Variants in TRPM1 observed in about 807,000 individuals in gnomAD.
The protein encoded by TRPM1 is transient receptor potential cation channel subfamily M member 1, also known as TRPM1-203 APA Isoform, Intron 10.
In TRPM1, 113 loss-of-function variants were observed where a neutral mutation model predicts 149.4. The observed-to-expected ratio is 0.76, with a 90% CI of 0.65 to 0.88. The LOEUF (loss-of-function observed/expected upper bound fraction) is 0.88, where lower values mean the gene tolerates loss of function less well. Among genes scored for constraint, TRPM1 ranks in the 40% least tolerant of loss-of-function variants. The pLI is 0.00. For synonymous variants in TRPM1, 741 were observed against 759.5 expected (o/e 0.98, Z 0.40); for missense variants, 1,976 against 2,038.7 (o/e 0.97, Z 0.59).
At chr15:31,134,415 C>A (rs145231811) in intron 1 of TRPM1, among the ~76,000 whole-genome samples, 2 of 152,134 alleles carry the variant, frequency 1.3e-5, no homozygotes, top group African/African-American at 4.8e-5. Flanking sequence ...TTGAAAAACA[C>A]CATAGAAGTT....
chr15:31,043,545 G>GA (rs200771304), intron 16 of TRPM1, among the ~76,000 whole-genome samples: 1,899 of 152,160 alleles, frequency 0.012, 25 homozygotes, highest in Non-Finnish European at 0.017. Flanking sequence ...CATTTTAATG[G>GA]AAAATATAGT....
At chr15:31,045,450 T>G (rs1596013456) in intron 16 of TRPM1, among the ~76,000 whole-genome samples, 1 of 152,350 alleles carries the variant, frequency 6.6e-6, no homozygotes, top group East Asian at 1.9e-4. Context: ...TGATAATAAT[T>G]TCTCCCTTTC....
chr15:31,089,637 C>T (rs1467846039), intron 1 of TRPM1, among the ~76,000 whole-genome samples: 1 of 152,182 alleles, frequency 6.6e-6, no homozygotes. Context: ...ATTGATGAGA[C>T]GGGTCCAGGC....
rs1355758335 is a variant in TRPM1, at chr15:31,027,114, A to T, written c.3297T>A (p.Asn1099Lys). The change falls in exon 26 of 28, where the codon AAT becomes AAA. Residue 1099 changes from asparagine to lysine, a missense_variant. Transcript: ENST00000256552. ...LVNLLIAVFN[N>K]TFFEVKSISN... is the part of the protein sequence containing the mutation. Reference sequence around the variant, plus strand: ...ATATTGATTTTACTTCAAAGAAGGTATTGCTTTAAAAAGAAGACATTTTTA... The same window carrying T: ...ATATTGATTTTACTTCAAAGAAGGTTTTGCTTTAAAAAGAAGACATTTTTA... 1 of 1,613,786 alleles carries T rather than the reference A, an allele frequency of 6.2e-7. No homozygotes were observed. Among genetic ancestry groups the T allele is most frequent in the African/African-American group, 1.3e-5 (1 of 74,938 alleles).
At position 31,125,928 on chromosome 15, in the gene TRPM1, C is replaced by T. The variant is rs539851796; in HGVS notation, c.54+34978G>A. Among the ~76,000 whole-genome samples the T allele has an allele frequency of 2.0e-4, 31 of 151,644 alleles. 1 individual carries two copies. The East Asian group carries it at 5.6e-3, about 28-fold the overall frequency. On this transcript the variant is annotated intron_variant, in intron 1 of 26. Transcript: ENST00000542188. ...GGTGGATCACTTGAGGTGAGGAGTT[C>T]GAGAGTAGCCTGGCCAACATGGTGA...
chr15:31,023,873 G>T (rs1415753155), intron 27 of TRPM1, among the ~76,000 whole-genome samples: 2 of 152,186 alleles, frequency 1.3e-5, no homozygotes, highest in Non-Finnish European at 2.9e-5. Flanking sequence ...CTTACAAAAT[G>T]TTGGAACTTT....
At chr15:31,017,874 T>A (rs559387170) in intron 27 of TRPM1, among the ~76,000 whole-genome samples, 1 of 152,336 alleles carries the variant, frequency 6.6e-6, no homozygotes, top group East Asian at 1.9e-4. Flanking sequence ...ATGTATGGCA[T>A]AACTTTATTG....
chr15:31,070,395 C>T, intron 3 of TRPM1, 169 bp from the exon 4 acceptor site: 1 of 728,992 alleles, frequency 1.4e-6, no homozygotes, highest in Non-Finnish European at 2.5e-6. Context: ...ATGGCCTTTT[C>T]CAGATAATCA....
intron 22 of TRPM1, among the ~76,000 whole-genome samples, chr15:31,032,159 C>T (rs1396315990): frequency 6.6e-6 from 1 of 152,036 alleles, no homozygotes; most frequent in African/African-American, 2.4e-5. Context: ...TATTTTGCTA[C>T]TGAATTCCTA....
intron 1 of TRPM1, among the ~76,000 whole-genome samples, chr15:31,133,986 C>A (rs774121545): frequency 7.9e-5 from 12 of 152,098 alleles, no homozygotes; most frequent in Non-Finnish European, 1.6e-4. Context: ...ACAGAGGTGA[C>A]CCAAGTAATT....
At chr15:31,088,540 A>G (rs1184455713) in intron 1 of TRPM1, among the ~76,000 whole-genome samples, 1 of 152,222 alleles carries the variant, frequency 6.6e-6, no homozygotes, top group Non-Finnish European at 1.5e-5. Flanking sequence ...TAAGAGCTGT[A>G]ACACTTGCTG....
intron 1 of TRPM1, among the ~76,000 whole-genome samples, chr15:31,138,511 T>C (rs974562302): frequency 5.9e-5 from 9 of 152,152 alleles, no homozygotes; most frequent in African/African-American, 1.9e-4. Flanking sequence ...CCCTATTTAT[T>C]CAAGGGCTGT....
At chr15:31,019,163 A>G (rs2032469146) in intron 27 of TRPM1, among the ~76,000 whole-genome samples, 1 of 152,218 alleles carries the variant, frequency 6.6e-6, no homozygotes. Context: ...GAGTTCTAAA[A>G]CTATTCCTAC....
Position 31,060,521 on chromosome 15 carries a change from G to T in TRPM1, c.1263+23C>A, listed in dbSNP as rs752033676. 2.5e-6 allele frequency: 4 copies of T among 1,592,310 alleles called. No individual in the cohort carries two copies. The South Asian group carries it at 4.4e-5, about 18-fold the overall frequency. On this transcript the variant is annotated intron_variant, in intron 11 of 27. Coordinates refer to ENST00000256552, the MANE Select transcript of TRPM1 (RefSeq NM_001252024.2). ...TGTACAAAGTCAAGATCAATGATAT[G>T]AATCGAAAAAAAACAGTTTCACCGG...
At chr15:31,060,720 A>G in intron 10 of TRPM1, 76 bp from the exon 11 acceptor site, 7 of 1,171,246 alleles carry the variant, frequency 6.0e-6, no homozygotes, top group Non-Finnish European at 8.8e-6. Context: ...CTGGGTGGTG[A>G]GCACAGGCTT....
exon 1 of TRPM1, chr15:31,160,968 G>T: frequency 6.5e-7 from 1 of 1,535,472 alleles, no homozygotes; most frequent in Non-Finnish European, 8.7e-7. Context: ...ATCTCTCTCA[G>T]TGAGCCTGTG....
chr15:31,019,031 T>C (rs1444576089), intron 27 of TRPM1, among the ~76,000 whole-genome samples: 1 of 152,242 alleles, frequency 6.6e-6, no homozygotes, highest in Non-Finnish European at 1.5e-5. Flanking sequence ...TCATAAATTA[T>C]ATGGGAACAT....
chr15:31,117,663 A>ATACACACAC (rs869149260), intron 1 of TRPM1, among the ~76,000 whole-genome samples: 52 of 47,100 alleles, frequency 1.1e-3, no homozygotes, highest in African/African-American at 3.5e-3. Flanking sequence ...AAAAAAAAAA[A>ATACACACAC]ATACACACAC....
intron 17 of TRPM1, among the ~76,000 whole-genome samples, chr15:31,041,401 C>T (rs748240641): frequency 6.6e-6 from 1 of 152,150 alleles, no homozygotes; most frequent in Non-Finnish European, 1.5e-5. Context: ...CCGCCCACCT[C>T]GGCCTCCCAA....
Sources: allele counts gnomAD v4.1 joint callset (sites outside exome capture counted in the v4.1 genomes callset), GRCh38; gene constraint gnomAD v4.1.1; transcripts MANE v1.5; gene names NCBI Gene and HGNC (gene_info 2026-07-23, HGNC 2026-07-21).